NEK4: variants seen among roughly 807,000 people sequenced by gnomAD.
NEK4 encodes serine/threonine-protein kinase Nek4.
A neutral mutation model predicts 98.4 loss-of-function variants in NEK4; 86 were observed. The ratio of observed to expected loss-of-function variants is 0.87; its 90% CI spans 0.73 to 1.05. The LOEUF is 1.05. Among genes scored for constraint, NEK4 ranks in the 50% least tolerant of loss-of-function variants. NEK4 has a pLI of 0.00. For synonymous variants in NEK4, 328 were observed against 342.2 expected, an observed-to-expected ratio of 0.96 and a Z score of 0.46; for missense variants, 898 against 950.3, an observed-to-expected ratio of 0.94 and a Z score of 0.72.
chr3:52,719,100 GTACTCT>G (rs975560806), intron 15 of NEK4, among the ~76,000 whole-genome samples: 3 of 152,278 alleles, frequency 2.0e-5, no homozygotes, highest in Admixed American at 2.0e-4. Flanking sequence ...CAAAGGAGGA[GTACTCT>G]TAAAGGCAGA....
intron 9 of NEK4, 68 bp downstream of exon 9, chr3:52,746,666 G>A: frequency 7.1e-7 from 1 of 1,409,336 alleles, no homozygotes; most frequent in Non-Finnish European, 9.7e-7. Flanking sequence ...TTTGGCAATT[G>A]TTAATTGCTC....
At chr3:52,741,522 A>G in intron 12 of NEK4, 23 bp from the exon 13 acceptor site, 1 of 1,442,630 alleles carries the variant, frequency 6.9e-7, no homozygotes. Context: ...TGGAAGAATT[A>G]AAATTCTACA....
At chr3:52,740,167 G>A (rs1490268440) in intron 13 of NEK4, among the ~76,000 whole-genome samples, 1 of 152,144 alleles carries the variant, frequency 6.6e-6, no homozygotes, top group East Asian at 1.9e-4. Context: ...AAAATAACCA[G>A]ATGGGCAAAG....
chr3:52,762,772 T>C (rs1477702140), intron 5 of NEK4, among the ~76,000 whole-genome samples: 2 of 151,972 alleles, frequency 1.3e-5, no homozygotes, highest in East Asian at 1.9e-4. Flanking sequence ...TCCCAGCTAC[T>C]GGGGAGGCTG....
rs147438118 is a variant in NEK4 at position 52,733,346 on chromosome 3, C to T, written c.2433+4240G>A. ...CCTTGCACAACATCAAAGAATTCAT[C>T]CTGGAGAGAGGCCTCGCAAATGTAA... On this transcript the variant is annotated intron_variant, in intron 15 of 15. Coordinates refer to ENST00000233027, the MANE Select transcript of NEK4 (RefSeq NM_003157.6). 240 of 368,336 alleles carry T rather than the reference C, an allele frequency of 6.5e-4. 2 individuals are homozygous for T. Among genetic ancestry groups the T allele is most frequent in the African/African-American group, 4.6e-3 (213 of 46,320 alleles). 22.8% of individuals were successfully genotyped at this position (368,336 alleles called of 1,614,324 possible). A position where few individuals can be genotyped will look rare whatever the true frequency, so the allele number is the denominator to read the frequency against.
At chr3:52,752,403 T>C in intron 6 of NEK4, 67 bp from the exon 7 acceptor site, 1 of 1,462,912 alleles carries the variant, frequency 6.8e-7, no homozygotes, top group Non-Finnish European at 9.3e-7. Flanking sequence ...CAACTCAAAA[T>C]GCAACAAGAG....
chr3:52,712,208 T>C (rs1164783722), intron 15 of NEK4, among the ~76,000 whole-genome samples: 1 of 152,258 alleles, frequency 6.6e-6, no homozygotes, highest in Non-Finnish European at 1.5e-5. Context: ...AGCAAATTCA[T>C]TTATATATGT....
rs760797832 is a variant in NEK4 at position 52,770,748 on chromosome 3, T to A, written c.-2A>T. 1.3e-6 allele frequency: 2 copies of A among 1,560,632 alleles called. No homozygotes were observed. The highest frequency in any genetic ancestry group is 2.4e-5 in the South Asian group (2 of 84,834). On this transcript the variant is annotated 5_prime_UTR_variant, in exon 1 of 16. Transcript: ENST00000233027. Reference sequence around the variant, plus strand: ...GTAGCAGTAGGCGGCCAGGGGCATGTTCCCAGCGCTGGCCCAGAGTCGGGA... The same window carrying A: ...GTAGCAGTAGGCGGCCAGGGGCATGATCCCAGCGCTGGCCCAGAGTCGGGA...
Position 52,768,431 on chromosome 3 carries a change from A to G in NEK4, c.267T>C (p.Gly89=), listed in dbSNP as rs1698656208. 1 of 1,613,824 alleles carries G rather than the reference A, an allele frequency of 6.2e-7. No individual in the cohort carries two copies. The highest frequency in any genetic ancestry group is 8.5e-7 in the Non-Finnish European group (1 of 1,180,002). ...GCTCCTTGAGCTTTCGGTACAAATC[A>G]CCTCCTTCACAGAAGCCCATGACAA... ...LYIVMGFCEG[G]DLYRKLKEQK... is the part of the protein sequence containing the mutation. The change falls in exon 2 of 16, where the codon GGT becomes GGC. Residue 89 remains glycine (G), a synonymous_variant. Transcript: ENST00000233027.
chr3:52,766,088 T>G (rs1308374512), intron 3 of NEK4, 90 bp downstream of exon 3: 1 of 1,450,610 alleles, frequency 6.9e-7, no homozygotes, highest in Non-Finnish European at 9.6e-7. Context: ...TTAAACCAAT[T>G]CATAGATAAT....
chr3:52,734,782 C>A, intron 15 of NEK4: 1 of 257,798 alleles, frequency 3.9e-6, no homozygotes, highest in South Asian at 5.6e-5. Flanking sequence ...TCAACCCTCC[C>A]AAAACTGTTG....
chr3:52,714,294 TAGG>T (rs1220728949), intron 15 of NEK4, among the ~76,000 whole-genome samples: 2 of 152,256 alleles, frequency 1.3e-5, no homozygotes, highest in Non-Finnish European at 2.9e-5. Flanking sequence ...ATAAAAATTA[TAGG>T]AGGCCATTGT....
chr3:52,744,932 T>C (rs1255608824), intron 10 of NEK4, among the ~76,000 whole-genome samples: 3 of 151,844 alleles, frequency 2.0e-5, no homozygotes, highest in African/African-American at 4.8e-5. Flanking sequence ...TTCTTTTTTT[T>C]TGAGATGCAG....
At position 52,710,377 on chromosome 3, in the gene NEK4, A is replaced by AAT. The variant is rs1404644795; in HGVS notation, c.*1399_*1400insAT. On this transcript the variant is annotated 3_prime_UTR_variant, in exon 16 of 16. Transcript: ENST00000233027. ...AAGACTGTGTCTTAAAAAAAAAAAAAAATTGTTAAGTGGCTGTAAAGGGAA... is the reference window on the plus strand; with the variant it reads ...AAGACTGTGTCTTAAAAAAAAAAAAAATAATTGTTAAGTGGCTGTAAAGGGAA... 13 of 152,020 alleles carry AAT rather than the reference A, an allele frequency of 8.6e-5. No individual in the cohort carries two copies. The highest frequency in any genetic ancestry group is 7.2e-4 in the Admixed American group (11 of 15,260). The allele number at this position is 152,020 out of a possible 1,614,324, so 9.4% of individuals were successfully genotyped here.
chr3:52,745,951 G>T, intron 10 of NEK4, 110 bp downstream of exon 10: 5 of 962,900 alleles, frequency 5.2e-6, no homozygotes, highest in Non-Finnish European at 4.8e-6. Context: ...TTGAACTCTT[G>T]GACTCAATTG....
At chr3:52,729,656 C>T (rs543642098) in intron 15 of NEK4, among the ~76,000 whole-genome samples, 1 of 144,796 alleles carries the variant, frequency 6.9e-6, no homozygotes, top group Admixed American at 7.1e-5. Flanking sequence ...TGCAGTGAGC[C>T]GAGATCATGC....
intron 15 of NEK4, chr3:52,732,456 A>G (rs1171462747): frequency 6.2e-6 from 1 of 161,882 alleles, no homozygotes; most frequent in African/African-American, 2.4e-5. Flanking sequence ...CGGCCTCCCA[A>G]GGTGTTGGGA....
At chr3:52,727,559 T>C (rs1320899560) in intron 15 of NEK4, among the ~76,000 whole-genome samples, 1 of 152,172 alleles carries the variant, frequency 6.6e-6, no homozygotes, top group Non-Finnish European at 1.5e-5. Context: ...CACTCCGACC[T>C]CCACCTCCCA....
chr3:52,757,168 C>T (rs559783586), intron 6 of NEK4, among the ~76,000 whole-genome samples: 16 of 152,250 alleles, frequency 1.1e-4, no homozygotes, highest in African/African-American at 3.8e-4. Flanking sequence ...TAAAATGATA[C>T]AGAAGTTGTG....
Sources: allele counts gnomAD v4.1 joint callset (sites outside exome capture counted in the v4.1 genomes callset), GRCh38; gene constraint gnomAD v4.1.1; transcripts MANE v1.5; gene names NCBI Gene and HGNC (gene_info 2026-07-23, HGNC 2026-07-21).